The following PRKCZ variants were observed in gnomAD, a reference collection of about 807,000 sequenced individuals.
PRKCZ encodes protein kinase C zeta.
In PRKCZ, 33 loss-of-function variants were observed where a neutral mutation model predicts 79.5. The ratio of observed to expected loss-of-function variants is 0.41; its 90% CI spans 0.31 to 0.55. The LOEUF (loss-of-function observed/expected upper bound fraction) is 0.55. Ranked by LOEUF, PRKCZ falls within the 20% of genes least tolerant of loss-of-function variation. PRKCZ has a pLI of 0.19. For missense variants in PRKCZ, 578 were observed against 813.5 expected, an observed-to-expected ratio of 0.71 and a Z score of 3.52; for synonymous variants, 342 against 320.9, an observed-to-expected ratio of 1.07 and a Z score of -0.70.
intron 5 of PRKCZ, among the ~76,000 whole-genome samples, chr1:2,140,195 G>A (rs1328674481): frequency 1.3e-5 from 2 of 152,198 alleles, no homozygotes; most frequent in African/African-American, 2.4e-5. Flanking sequence ...AAGAATTCCT[G>A]ATGATAAATA....
intron 4 of PRKCZ, among the ~76,000 whole-genome samples, chr1:2,061,042 C>T (rs887910335): frequency 5.9e-5 from 9 of 152,222 alleles, no homozygotes; most frequent in African/African-American, 1.2e-4. Flanking sequence ...CGATGGTTGT[C>T]CCCTCCACAG....
At position 2,184,983 on chromosome 1, in the gene PRKCZ, T is replaced by C; in HGVS notation, c.1753T>C (p.Leu585=). The part of the protein sequence containing the change: ...FEGFEYINPL[L]LSTEESV The stretch of plus-strand genomic sequence containing the variant: ...AGGCTTTGAGTATATCAACCCATTA[T>C]TGCTGTCCACCGAGGAGTCGGTGTG... Residue 585 remains leucine (L), a synonymous_variant, in exon 18 of 18, where the codon TTG becomes CTG. Coordinates refer to ENST00000378567, the MANE Select transcript of PRKCZ (RefSeq NM_002744.6). 1 of 1,613,790 alleles carries C rather than the reference T, an allele frequency of 6.2e-7. No individual in the cohort carries two copies. Among genetic ancestry groups the C allele is most frequent in the Non-Finnish European group, 8.5e-7 (1 of 1,179,906 alleles).
chr1:2,181,554 G>A (rs1301285833), intron 16 of PRKCZ, among the ~76,000 whole-genome samples: 1 of 152,234 alleles, frequency 6.6e-6, no homozygotes, highest in Non-Finnish European at 1.5e-5. Flanking sequence ...TCCCGACCTG[G>A]AGCCCACGTG....
intron 5 of PRKCZ, among the ~76,000 whole-genome samples, chr1:2,138,709 GT>G (rs1676726879): frequency 1.3e-5 from 2 of 152,202 alleles, no homozygotes; most frequent in South Asian, 4.1e-4. Context: ...GCCGAGATGG[GT>G]GATCGCTTGA....
intron 4 of PRKCZ, among the ~76,000 whole-genome samples, chr1:2,080,715 C>T (rs566990263): frequency 6.6e-6 from 1 of 152,310 alleles, no homozygotes; most frequent in East Asian, 1.9e-4. Flanking sequence ...CCGCTTGCCT[C>T]AGTCTCCCCT....
At position 2,178,920 on chromosome 1, in the gene PRKCZ, G is replaced by A. The variant is rs1210271212; in HGVS notation, c.1575+3607G>A. 6.6e-6 allele frequency among the ~76,000 whole-genome samples: 1 copy of A among 152,178 alleles called. No individual in the cohort carries two copies. The highest frequency in any genetic ancestry group is 2.4e-5 in the African/African-American group (1 of 41,432). ...AGGGTAGAGCTGGGACAGGGTCACA[G>A]TCACCCCAAAGCCGCCCCCTCCTTG... On this transcript the variant is annotated intron_variant, in intron 16 of 17. Transcript: ENST00000378567. The surrounding 1 kb of genome is among the most constrained non-coding windows in gnomAD (Gnocchi z 4.3).
At chr1:2,157,242 T>C (rs1441506916) in intron 10 of PRKCZ, among the ~76,000 whole-genome samples, 4 of 152,048 alleles carry the variant, frequency 2.6e-5, no homozygotes, top group Non-Finnish European at 5.9e-5. Flanking sequence ...TGCTTACTCT[T>C]CCAGAAGCCC....
intron 4 of PRKCZ, among the ~76,000 whole-genome samples, chr1:2,069,005 C>A (rs1393294767): frequency 6.6e-6 from 1 of 152,146 alleles, no homozygotes; most frequent in Non-Finnish European, 1.5e-5. Context: ...GCCCAGTTCC[C>A]GCCAGTCACC....
At chr1:2,084,517 C>T (rs1458437728) in intron 4 of PRKCZ, among the ~76,000 whole-genome samples, 1 of 152,172 alleles carries the variant, frequency 6.6e-6, no homozygotes, top group East Asian at 1.9e-4. Context: ...CCGGCCGGCT[C>T]ACAGATGGGC....
intron 5 of PRKCZ, among the ~76,000 whole-genome samples, chr1:2,138,107 C>T (rs1676593273): frequency 3.3e-5 from 5 of 152,226 alleles, no homozygotes. Context: ...TGCAGGACCA[C>T]TCAGATCACC....
At chr1:2,106,413 T>C (rs1668429029) in intron 4 of PRKCZ, among the ~76,000 whole-genome samples, 1 of 151,856 alleles carries the variant, frequency 6.6e-6, no homozygotes. Context: ...GCCCCTCTAG[T>C]GGGCGAGGAC....
chr1:2,169,175 C>A lies in PRKCZ; in HGVS notation c.975-343C>A, dbSNP rs746863002. On this transcript the variant is annotated intron_variant, in intron 10 of 17. Transcript: ENST00000378567. ...CAGCCCCCAGCAGATCCTGTCCCAG[C>A]CCCCAGCCCTGGTCCAAGCCACCTC... 6.0e-5 allele frequency: 28 copies of A among 464,480 alleles called. 3 individuals carry two copies. The highest frequency in any genetic ancestry group is 4.3e-4 in the South Asian group (28 of 64,624). The allele number at this position is 464,480 out of a possible 1,614,324, so 28.8% of individuals were successfully genotyped here.
chr1:2,173,598 C>T lies in PRKCZ; in HGVS notation c.1286-299C>T, dbSNP rs899288301. The stretch of plus-strand genomic sequence containing the variant: ...AGAAGCAGAAACGAGAGAGGAGGGT[C>T]GTCCGCAGGTTCCACCAGTGCCTCG... On this transcript the variant is annotated intron_variant, in intron 13 of 17. Coordinates refer to ENST00000378567, the MANE Select transcript of PRKCZ (RefSeq NM_002744.6). The surrounding 1 kb of genome is among the most constrained non-coding windows in gnomAD (Gnocchi z 5.7). 2.0e-5 allele frequency among the ~76,000 whole-genome samples: 3 copies of T among 152,228 alleles called. No individual in the cohort carries two copies. Among genetic ancestry groups the T allele is most frequent in the East Asian group, 3.8e-4 (2 of 5,198 alleles).
intron 4 of PRKCZ, among the ~76,000 whole-genome samples, chr1:2,090,599 G>A (rs1263853403): frequency 6.6e-6 from 1 of 152,340 alleles, no homozygotes; most frequent in East Asian, 1.9e-4. Context: ...AAACACCAGT[G>A]CTTCTCCAAG....
At chr1:2,099,971 G>C (rs1022400168) in intron 4 of PRKCZ, among the ~76,000 whole-genome samples, 3 of 152,198 alleles carry the variant, frequency 2.0e-5, no homozygotes, top group Non-Finnish European at 4.4e-5. Context: ...GCGTCTGTTA[G>C]GGGTGACCTG....
At chr1:2,088,525 G>A (rs1221153446) in intron 4 of PRKCZ, among the ~76,000 whole-genome samples, 2 of 152,202 alleles carry the variant, frequency 1.3e-5, no homozygotes, top group African/African-American at 2.4e-5. Context: ...AGTGATTGCC[G>A]CGTGACTCAG....
At position 2,127,182 on chromosome 1, in the gene PRKCZ, C is replaced by T. The variant is rs117616682; in HGVS notation, c.335-8080C>T. On this transcript the variant is annotated intron_variant, in intron 4 of 17. Coordinates refer to ENST00000378567, the MANE Select transcript of PRKCZ (RefSeq NM_002744.6). The surrounding 1 kb of genome is among the most constrained non-coding windows in gnomAD (Gnocchi z 5.1). The stretch of plus-strand genomic sequence containing the variant: ...CCCAAAACAGACCCTGCGCCCCGGG[C>T]AACCATCTGCTTCCCGCCACAGTGG... 3.1e-3 allele frequency among the ~76,000 whole-genome samples: 474 copies of T among 152,372 alleles called. 11 individuals carry two copies. In the East Asian group the frequency reaches 0.066, roughly 21 times the overall value.
At chr1:2,084,530 A>C (rs2678947) in intron 4 of PRKCZ, among the ~76,000 whole-genome samples, 71,250 of 152,078 alleles carry the variant, frequency 0.47, 19,838 homozygotes, top group East Asian at 0.96. Flanking sequence ...AGATGGGCGT[A>C]CCTGCGTCCG....
At chr1:2,067,812 T>C (rs1661245787) in intron 4 of PRKCZ, among the ~76,000 whole-genome samples, 1 of 152,258 alleles carries the variant, frequency 6.6e-6, no homozygotes, top group African/African-American at 2.4e-5. Context: ...ATGGTATGTG[T>C]GATTTTTGTT....
Sources: gnomAD v4.1 joint callset for allele counts (sites outside exome capture counted in the v4.1 genomes callset) on GRCh38, gnomAD v4.1.1 for gene constraint, Gnocchi (gnomAD v3.1) non-coding constraint, MANE v1.5 for transcripts, NCBI Gene and HGNC (gene_info 2026-07-23, HGNC 2026-07-21) for gene names.